Variants in GNG3 observed in about 807,000 individuals in gnomAD.
GNG3 encodes guanine nucleotide-binding protein G(I)/G(S)/G(O) subunit gamma-3.
A neutral mutation model predicts 5.6 loss-of-function variants in GNG3; 4 were observed. The ratio of observed to expected loss-of-function variants is 0.71; its 90% CI spans 0.35 to 1.63. The LOEUF is 1.63. Ranked by LOEUF, GNG3 falls within the 40% of genes most tolerant of loss-of-function variation. The probability of loss-of-function intolerance (pLI) is 0.05; values close to 1 mark genes in which losing one functional copy is unlikely to be tolerated. For missense variants in GNG3, 62 were observed against 96.6 expected (o/e 0.64, Z 1.50); for synonymous variants, 30 against 33.5 (o/e 0.89, Z 0.36).
chr11:62,707,193 C>A (rs2083555558), upstream of GNG3: 2 of 1,552,592 alleles, frequency 1.3e-6, no homozygotes, highest in Admixed American at 3.9e-5. Flanking sequence ...TTTCTGTAGA[C>A]ATCTTCCTGA....
chr11:62,708,630 C>A, intron 2 of GNG3, 48 bp from the exon 3 acceptor site: 4 of 1,606,406 alleles, frequency 2.5e-6, no homozygotes, highest in Non-Finnish European at 2.6e-6. Flanking sequence ...AGGCTGCAGT[C>A]CCCTTCAGAG....
At chr11:62,707,114 C>T (rs1590887383), upstream of GNG3, 1 of 1,553,592 alleles carries the variant, frequency 6.4e-7, no homozygotes, top group Non-Finnish European at 8.7e-7. Context: ...CCTACCTCCT[C>T]TTTGTCCGGT....
At position 62,708,965 on chromosome 11, in the gene GNG3, C is replaced by A; in HGVS notation, c.*159C>A. On this transcript the variant is annotated 3_prime_UTR_variant, in exon 3 of 3. Coordinates refer to ENST00000294117, the MANE Select transcript of GNG3 (RefSeq NM_012202.5). ...AAGCACAAGGCCCACCCTCACCTAT[C>A]TGTCGACCCCATTTCCTACCACCTT... 1 of 665,070 alleles carries A rather than the reference C, an allele frequency of 1.5e-6. No individual in the cohort carries two copies. The highest frequency in any genetic ancestry group is 2.7e-6 in the Non-Finnish European group (1 of 373,754). 41.2% of individuals were successfully genotyped at this position (665,070 alleles called of 1,614,324 possible). A position where few individuals can be genotyped will look rare whatever the true frequency, so the allele number is the denominator to read the frequency against.
Position 62,708,854 on chromosome 11 carries a change from C to G in GNG3, c.*48C>G. 2.1e-6 allele frequency: 3 copies of G among 1,452,392 alleles called. No individual in the cohort carries two copies. The South Asian group carries it at 3.5e-5, about 17-fold the overall frequency. The allele number at this position is 1,452,392 out of a possible 1,614,324, so 90.0% of individuals were successfully genotyped here. On this transcript the variant is annotated 3_prime_UTR_variant, in exon 3 of 3. Coordinates refer to ENST00000294117, the MANE Select transcript of GNG3 (RefSeq NM_012202.5). The stretch of plus-strand genomic sequence containing the variant: ...CTCCTCCCTTTTCCCTCTCCTGGGC[C>G]CTTCCTTAGGTCAGTAATTGTTGTG...
rs2083587656 is a variant in GNG3 at position 62,708,932 on chromosome 11, G to A, written c.*126G>A. On this transcript the variant is annotated 3_prime_UTR_variant, in exon 3 of 3. Coordinates refer to ENST00000294117, the MANE Select transcript of GNG3 (RefSeq NM_012202.5). ...CCTAACCCTTGCCTGACCATGTGAG[G>A]TTATCTGAAGCACAAGGCCCACCCT... The A allele has an allele frequency of 4.0e-6, 3 of 754,502 alleles. No homozygotes were observed. Among genetic ancestry groups the A allele is most frequent in the Non-Finnish European group, 4.6e-6 (2 of 437,584 alleles). 46.7% of individuals were successfully genotyped at this position (754,502 alleles called of 1,614,324 possible). A position where few individuals can be genotyped will look rare whatever the true frequency, so the allele number is the denominator to read the frequency against.
rs768696520 is a variant in GNG3, at chr11:62,708,832, C to T, written c.*26C>T. 4 of 1,574,600 alleles carry T rather than the reference C, an allele frequency of 2.5e-6. No homozygotes were observed. The highest frequency in any genetic ancestry group is 1.1e-5 in the South Asian group (1 of 89,962). On this transcript the variant is annotated 3_prime_UTR_variant, in exon 3 of 3. Coordinates refer to ENST00000294117, the MANE Select transcript of GNG3 (RefSeq NM_012202.5). ...GCTCCCCTGTCCCTTCTCACAACTC[C>T]TCCCTTTTCCCTCTCCTGGGCCCTT...
rs1590888387 is a variant in GNG3, at chr11:62,708,074, G to A, written c.-2+159G>A. On this transcript the variant is annotated intron_variant, in intron 1 of 2. Transcript: ENST00000294117. ...TCATTTGTGTAAGGTTTAATGATCT[G>A]TGGCCCAGGCCATGAGGGAGTTTGG... The A allele has an allele frequency of 7.7e-5, 45 of 585,486 alleles. 4 individuals carry two copies. The South Asian group carries it at 8.9e-4, about 12-fold the overall frequency. The allele number at this position is 585,486 out of a possible 1,614,324, so 36.3% of individuals were successfully genotyped here. A position where few individuals can be genotyped will look rare whatever the true frequency, so the allele number is the denominator to read the frequency against.
upstream of GNG3, chr11:62,707,607 G>A (rs2083564520): frequency 7.6e-6 from 4 of 527,446 alleles, no homozygotes; most frequent in East Asian, 1.0e-4. Flanking sequence ...GGGGGTGTGC[G>A]CAGGGATGCA....
intron 1 of GNG3, 35 bp from the exon 2 acceptor site, chr11:62,708,260 G>A: frequency 7.3e-7 from 1 of 1,373,778 alleles, no homozygotes. Context: ...GCCTCCAGCT[G>A]AGACTGTGCT....
In GNG3 at chr11:62,708,891, C is replaced by G. The variant is rs536985321; in HGVS notation, c.*85C>G. ...CAGTAATTGTTGTGAGCCCCTTAGGCTCCTTGCATCCCATCCCTAACCCTT... is the reference window on the plus strand; with the variant it reads ...CAGTAATTGTTGTGAGCCCCTTAGGGTCCTTGCATCCCATCCCTAACCCTT... On this transcript the variant is annotated 3_prime_UTR_variant, in exon 3 of 3. Coordinates refer to ENST00000294117, the MANE Select transcript of GNG3 (RefSeq NM_012202.5). 7.9e-6 allele frequency: 8 copies of G among 1,008,644 alleles called. No individual in the cohort carries two copies. In the East Asian group the frequency reaches 1.7e-4, roughly 21 times the overall value. The allele number at this position is 1,008,644 out of a possible 1,614,324, so 62.5% of individuals were successfully genotyped here.
upstream of GNG3, chr11:62,707,142 G>A (rs761790583): frequency 3.2e-5 from 50 of 1,554,314 alleles, no homozygotes; most frequent in Non-Finnish European, 2.6e-6. Context: ...TCTGGTCTCC[G>A]CACACCTCTT....
upstream of GNG3, chr11:62,707,087 CTG>C (rs1184315495): frequency 2.6e-6 from 4 of 1,547,430 alleles, no homozygotes; most frequent in African/African-American, 5.5e-5. Context: ...TTTCTGCTGA[CTG>C]TCCCCACAAG....
At chr11:62,707,136 G>T (rs115116507), upstream of GNG3, 1 of 1,554,264 alleles carries the variant, frequency 6.4e-7, no homozygotes, top group African/African-American at 1.4e-5. Flanking sequence ...CTTTGATCTG[G>T]TCTCCGCACA....
chr11:62,707,294 C>T (rs1211864364), upstream of GNG3: 3 of 1,060,270 alleles, frequency 2.8e-6, no homozygotes, highest in South Asian at 4.0e-5. Context: ...TGGCGCATCA[C>T]ATTTTCCTGG....
chr11:62,708,584 C>G (rs1394743910), intron 2 of GNG3, 94 bp from the exon 3 acceptor site: 1 of 1,550,794 alleles, frequency 6.4e-7, no homozygotes, highest in Non-Finnish European at 8.8e-7. Context: ...CGTAAGGAGC[C>G]CTGGAGATGG....
chr11:62,707,550 C>A, upstream of GNG3: 1 of 597,026 alleles, frequency 1.7e-6, no homozygotes. Flanking sequence ...AGCCCAGAGT[C>A]AGGATGCCTG....
rs1565155049 is a variant in GNG3, at chr11:62,708,281, C to T, written c.-1-14C>T. Reference sequence around the variant, plus strand: ...AGCTGAGACTGTGCTCTGAGAGGTCCCTCTTTTTTCCAGGATGAAAGGTGA... The same window carrying T: ...AGCTGAGACTGTGCTCTGAGAGGTCTCTCTTTTTTCCAGGATGAAAGGTGA... On this transcript the variant is annotated splice_polypyrimidine_tract_variant and intron_variant, in intron 1 of 2. Coordinates refer to ENST00000294117, the MANE Select transcript of GNG3 (RefSeq NM_012202.5). The T allele has an allele frequency of 1.3e-6, 2 of 1,556,694 alleles. No homozygotes were observed. Among genetic ancestry groups the T allele is most frequent in the South Asian group, 2.2e-5 (2 of 89,938 alleles).
At position 62,709,104 on chromosome 11, in the gene GNG3, G is replaced by C. The variant is rs187913210; in HGVS notation, c.*298G>C. 315 of 482,172 alleles carry C rather than the reference G, an allele frequency of 6.5e-4. 1 individual carries two copies. Among genetic ancestry groups the C allele is most frequent in the Middle Eastern group, 3.7e-3 (6 of 1,624 alleles). 29.9% of individuals were successfully genotyped at this position (482,172 alleles called of 1,614,324 possible). A position where few individuals can be genotyped will look rare whatever the true frequency, so the allele number is the denominator to read the frequency against. On this transcript the variant is annotated 3_prime_UTR_variant, in exon 3 of 3. Coordinates refer to ENST00000294117, the MANE Select transcript of GNG3 (RefSeq NM_012202.5). ...CCCGCTTCCCTCGGTGACCTGCTCA[G>C]ACAATGGAGAGGGATGGGCCAGGTT...
upstream of GNG3, chr11:62,707,369 T>G (rs1253244922): frequency 4.1e-6 from 3 of 723,326 alleles, no homozygotes; most frequent in Non-Finnish European, 7.4e-6. Context: ...TGTGTCAGAG[T>G]AGAGGGAGGA....
Sources: allele counts gnomAD v4.1 joint callset, GRCh38; gene constraint gnomAD v4.1.1; transcripts MANE v1.5; gene names NCBI Gene and HGNC (gene_info 2026-07-23, HGNC 2026-07-21).